The following SAMD3 variants were observed in gnomAD, a reference collection of about 807,000 sequenced individuals.
The protein encoded by SAMD3 is sterile alpha motif domain containing 3.
SAMD3 carries 63 observed loss-of-function variants against 58.5 expected under a neutral mutation model. The observed-to-expected ratio is 1.08, with a 90% CI of 0.88 to 1.33. The LOEUF (loss-of-function observed/expected upper bound fraction) is 1.33. Ranked by LOEUF, SAMD3 falls within the 40% of genes most tolerant of loss-of-function variation. The probability of loss-of-function intolerance (pLI) is 0.00; values close to 1 mark genes in which losing one functional copy is unlikely to be tolerated. For missense variants in SAMD3, 604 were observed against 608.4 expected (o/e 0.99, Z 0.08); for synonymous variants, 220 against 210.3 (o/e 1.05, Z -0.40).
chr6:130,216,948 G>A (rs1372911527), intron 1 of SAMD3, among the ~76,000 whole-genome samples: 2 of 152,140 alleles, frequency 1.3e-5, no homozygotes, highest in African/African-American at 2.4e-5. Context: ...TAAACTCGAA[G>A]ATAAAAAGGT....
At chr6:130,358,142 T>G (rs1583153215) in intron 1 of SAMD3, among the ~76,000 whole-genome samples, 1 of 152,362 alleles carries the variant, frequency 6.6e-6, no homozygotes, top group Non-Finnish European at 1.5e-5. Context: ...CAGAAGAATC[T>G]AAGTAGATAA....
rs558032945 is a variant in SAMD3, at chr6:130,314,599, A to C, written c.-303-1506T>G. Among the ~76,000 whole-genome samples the C allele has an allele frequency of 8.5e-5, 13 of 152,310 alleles. No individual in the cohort carries two copies. In the South Asian group the frequency reaches 2.5e-3, roughly 29 times the overall value. On this transcript the variant is annotated intron_variant, in intron 1 of 13. Coordinates refer to the SAMD3 transcript ENST00000368134. ...ATGAGAGAGCTCAATTCATGACTTT[A>C]AGGGATCAGGTGGGATTTAGCCATA...
chr6:130,354,938 T>C (rs530482221), intron 1 of SAMD3, among the ~76,000 whole-genome samples: 1 of 152,290 alleles, frequency 6.6e-6, no homozygotes, highest in Non-Finnish European at 1.5e-5. Flanking sequence ...AAAAAAAGGA[T>C]ATGGCATTCC....
chr6:130,239,681 A>G (rs185952933), intron 2 of SAMD3, among the ~76,000 whole-genome samples: 22 of 152,320 alleles, frequency 1.4e-4, no homozygotes, highest in Admixed American at 7.8e-4. Flanking sequence ...AAGTGAGACC[A>G]AAAAATGCTA....
intron 5 of SAMD3, among the ~76,000 whole-genome samples, chr6:130,188,973 T>C (rs987563217): frequency 6.6e-6 from 1 of 152,170 alleles, no homozygotes; most frequent in African/African-American, 2.4e-5. Context: ...CTGAGCTTTA[T>C]GTTGATGGAT....
intron 2 of SAMD3, 65 bp from the exon 3 acceptor site, chr6:130,215,359 T>A (rs1795943817): frequency 9.0e-7 from 1 of 1,107,458 alleles, no homozygotes; most frequent in Non-Finnish European, 1.3e-6. Context: ...ATTTTTTTTT[T>A]AACAGTCAGC....
intron 2 of SAMD3, among the ~76,000 whole-genome samples, chr6:130,269,984 C>G (rs928081713): frequency 2.6e-5 from 4 of 152,060 alleles, no homozygotes; most frequent in Admixed American, 2.6e-4. Flanking sequence ...TTCTAGTTCT[C>G]TTTCTGTTAT....
chr6:130,171,021 G>A (rs67606079), intron 8 of SAMD3, among the ~76,000 whole-genome samples: 1,538 of 152,246 alleles, frequency 0.01, 42 homozygotes, highest in African/African-American at 0.036. Context: ...TCTTGTGCTG[G>A]TTTTCAAAGG....
intron 1 of SAMD3, chr6:130,364,980 C>A (rs940228395): frequency 1.3e-5 from 2 of 153,882 alleles, no homozygotes; most frequent in Non-Finnish European, 2.7e-5. Context: ...ATACACTGCA[C>A]CAGAATATCA....
intron 7 of SAMD3, among the ~76,000 whole-genome samples, chr6:130,178,971 C>A (rs1481771065): frequency 1.3e-5 from 2 of 152,064 alleles, no homozygotes; most frequent in African/African-American, 4.8e-5. Context: ...ACAGAACAGA[C>A]AAAAAGAATG....
intron 1 of SAMD3, among the ~76,000 whole-genome samples, chr6:130,339,814 G>GA (rs930698383): frequency 6.6e-6 from 1 of 152,152 alleles, no homozygotes; most frequent in African/African-American, 2.4e-5. Flanking sequence ...GTTGGGTGTA[G>GA]AAAAAATATC....
intron 8 of SAMD3, among the ~76,000 whole-genome samples, chr6:130,168,107 G>T (rs1449378661): frequency 6.6e-6 from 1 of 152,174 alleles, no homozygotes; most frequent in Non-Finnish European, 1.5e-5. Flanking sequence ...CAGCTGCCTG[G>T]TCTACCTGTG....
intron 1 of SAMD3, among the ~76,000 whole-genome samples, chr6:130,317,361 C>T (rs571870183): frequency 9.2e-5 from 14 of 152,232 alleles, no homozygotes; most frequent in African/African-American, 2.4e-4. Flanking sequence ...TGTTGGACGC[C>T]TACTACGTGT....
downstream of SAMD3, chr6:130,142,988 C>G (rs1788352578): frequency 6.6e-6 from 1 of 152,204 alleles, no homozygotes. Flanking sequence ...GGCAAAATGA[C>G]TTGTGCCAAA....
At chr6:130,365,601 G>C (rs1330903715), upstream of SAMD3, 2 of 985,342 alleles carry the variant, frequency 2.0e-6, no homozygotes, top group Non-Finnish European at 2.4e-6. Context: ...CGGAGAACTG[G>C]GGGAGCCGGG....
chr6:130,297,668 A>G (rs538574115), intron 2 of SAMD3, among the ~76,000 whole-genome samples: 98 of 152,298 alleles, frequency 6.4e-4, no homozygotes, highest in African/African-American at 2.3e-3. Flanking sequence ...AAAAGACAAG[A>G]CAGCTATATT....
intron 1 of SAMD3, among the ~76,000 whole-genome samples, chr6:130,354,355 T>C (rs530504524): frequency 6.6e-6 from 1 of 152,272 alleles, no homozygotes; most frequent in East Asian, 1.9e-4. Flanking sequence ...AATTGTTCTA[T>C]CATAAAGACA....
intron 1 of SAMD3, among the ~76,000 whole-genome samples, chr6:130,346,140 G>A (rs899394197): frequency 4.6e-5 from 7 of 152,222 alleles, no homozygotes; most frequent in Middle Eastern, 3.4e-3. Context: ...AGCTCCCAGC[G>A]TGAGTGACGC....
In SAMD3 at chr6:130,154,948, CTT is replaced by C. The variant is rs1789645561; in HGVS notation, c.898_899del (p.Lys300GlyfsTer6). ...TTCTCTTGTCAATTTCTCTCCAGTC[CTT>C]TTCTGTTTTCACGTATTCTTGCTGG... ...WFQQEYVKTE[K>X]DWREIDKRMS... On this transcript the variant is annotated frameshift_variant, in exon 9 of 12. Coordinates refer to ENST00000439090, the MANE Select transcript of SAMD3 (RefSeq NM_001017373.4). LOFTEE classifies it high-confidence loss of function. The C allele has an allele frequency of 1.9e-6, 3 of 1,613,274 alleles. No individual in the cohort carries two copies. The highest frequency in any genetic ancestry group is 2.5e-6 in the Non-Finnish European group (3 of 1,179,664).
Sources: allele counts gnomAD v4.1 joint callset (sites outside exome capture counted in the v4.1 genomes callset), GRCh38; gene constraint gnomAD v4.1.1; transcripts MANE v1.5; gene names NCBI Gene and HGNC (gene_info 2026-07-23, HGNC 2026-07-21).